Variants in CYP2C19 observed in about 807,000 individuals in gnomAD.
CYP2C19 encodes cytochrome P450 2C19.
CYP2C19 carries 59 observed loss-of-function variants against 40.9 expected under a neutral mutation model. That is an observed-to-expected ratio of 1.44 (90% CI 1.17 to 1.79). The LOEUF is 1.79. CYP2C19 is among the 40% of genes most tolerant of loss of function. The pLI is 0.00. For missense variants in CYP2C19, 754 were observed against 596.9 expected, an observed-to-expected ratio of 1.26 and a Z score of -2.74; for synonymous variants, 253 against 208.7, an observed-to-expected ratio of 1.21 and a Z score of -1.83.
chr10:94,770,546 G>A (rs977107052), intron 1 of CYP2C19, among the ~76,000 whole-genome samples: 2 of 152,018 alleles, frequency 1.3e-5, no homozygotes, highest in African/African-American at 4.8e-5. Flanking sequence ...TTTTAATAAT[G>A]CCTCCAGATT....
intron 6 of CYP2C19, among the ~76,000 whole-genome samples, chr10:94,829,975 G>A (rs1179211102): frequency 6.6e-6 from 1 of 152,240 alleles, no homozygotes; most frequent in East Asian, 1.9e-4. Context: ...TCAGGGGTCA[G>A]GGGTCAGGGA....
rs1435653264 is a variant in CYP2C19, at chr10:94,849,919, C to T, written c.1152C>T (p.Gly384=). The T allele has an allele frequency of 1.9e-6, 3 of 1,613,486 alleles. No individual in the cohort carries two copies. Among genetic ancestry groups the T allele is most frequent in the Non-Finnish European group, 2.5e-6 (3 of 1,179,684 alleles). ...VKFRNYLIPK[G]TTILTSLTSV... is the part of the protein sequence containing the mutation. ...TCACCTATGTCTCTTGTTTCTAGGG[C>T]ACAACCATATTAACTTCCCTCACTT... Residue 384 remains glycine (G), a splice_region_variant and synonymous_variant, in exon 8 of 9, where the codon GGC becomes GGT. Coordinates refer to ENST00000371321, the MANE Select transcript of CYP2C19 (RefSeq NM_000769.4).
At chr10:94,822,706 T>A (rs1221464139) in intron 6 of CYP2C19, among the ~76,000 whole-genome samples, 1 of 152,160 alleles carries the variant, frequency 6.6e-6, no homozygotes, top group Non-Finnish European at 1.5e-5. Context: ...AAAAGCATTT[T>A]CTTTTGTCTG....
intron 6 of CYP2C19, among the ~76,000 whole-genome samples, chr10:94,833,709 AG>A (rs1849362816): frequency 6.6e-6 from 1 of 152,228 alleles, no homozygotes; most frequent in Non-Finnish European, 1.5e-5. Flanking sequence ...TTTATCATGA[AG>A]GGATGTTGAA....
At chr10:94,796,765 T>G (rs984856714) in intron 5 of CYP2C19, among the ~76,000 whole-genome samples, 53 of 152,288 alleles carry the variant, frequency 3.5e-4, no homozygotes, top group African/African-American at 1.3e-3. Context: ...CAGTTGTGAA[T>G]GGGAGTTCAC....
At chr10:94,808,477 CTAAT>C (rs1848867076) in intron 5 of CYP2C19, among the ~76,000 whole-genome samples, 1 of 152,104 alleles carries the variant, frequency 6.6e-6, no homozygotes, top group South Asian at 2.1e-4. Flanking sequence ...GTATGATTGA[CTAAT>C]TATTGACTAT....
At chr10:94,765,729 G>T (rs1471371166) in intron 1 of CYP2C19, among the ~76,000 whole-genome samples, 5 of 152,124 alleles carry the variant, frequency 3.3e-5, no homozygotes, top group African/African-American at 1.2e-4. Context: ...TTGTTAAGCA[G>T]GGAGGAGGTG....
intron 5 of CYP2C19, among the ~76,000 whole-genome samples, chr10:94,817,658 C>T (rs77356528): frequency 6.3e-4 from 93 of 147,932 alleles, no homozygotes; most frequent in Admixed American, 8.8e-4. Flanking sequence ...CTTGCCCATG[C>T]CTATGTCCTG....
At chr10:94,847,446 A>T (rs1397237615) in intron 7 of CYP2C19, among the ~76,000 whole-genome samples, 2 of 152,086 alleles carry the variant, frequency 1.3e-5, no homozygotes, top group African/African-American at 4.8e-5. Context: ...CATGGTGTAT[A>T]TGTGCCATAT....
intron 3 of CYP2C19, among the ~76,000 whole-genome samples, chr10:94,777,893 C>A (rs1848429815): frequency 6.6e-6 from 1 of 152,010 alleles, no homozygotes; most frequent in African/African-American, 2.4e-5. Flanking sequence ...GCAATCTGTC[C>A]ATTTGACTAA....
intron 6 of CYP2C19, among the ~76,000 whole-genome samples, chr10:94,827,185 T>A (rs1589369917): frequency 6.6e-6 from 1 of 151,810 alleles, no homozygotes; most frequent in South Asian, 2.1e-4. Flanking sequence ...ATAAAATGAG[T>A]TAGGGAGGAT....
chr10:94,823,121 A>G (rs372908303), intron 6 of CYP2C19, among the ~76,000 whole-genome samples: 4 of 152,160 alleles, frequency 2.6e-5, no homozygotes, highest in Admixed American at 6.6e-5. Flanking sequence ...GAAGAGGAAA[A>G]TTTATCAAGG....
At chr10:94,821,412 C>T (rs1367194897) in intron 6 of CYP2C19, among the ~76,000 whole-genome samples, 8 of 151,936 alleles carry the variant, frequency 5.3e-5, no homozygotes, top group Non-Finnish European at 1.5e-5. Flanking sequence ...AATGGTAATC[C>T]TAGAAATGTA....
intron 6 of CYP2C19, among the ~76,000 whole-genome samples, chr10:94,837,195 A>G (rs1340064692): frequency 6.6e-6 from 1 of 152,080 alleles, no homozygotes; most frequent in Non-Finnish European, 1.5e-5. Context: ...TCCACTGTCC[A>G]TTGGGTTTCT....
At chr10:94,839,980 GC>G (rs1313508705) in intron 6 of CYP2C19, among the ~76,000 whole-genome samples, 1 of 151,496 alleles carries the variant, frequency 6.6e-6, no homozygotes, top group Non-Finnish European at 1.5e-5. Flanking sequence ...CTACCTTTTT[GC>G]TTTTTTTTAT....
intron 6 of CYP2C19, among the ~76,000 whole-genome samples, chr10:94,824,813 C>A (rs533849894): frequency 2.5e-5 from 3 of 119,998 alleles, no homozygotes; most frequent in African/African-American, 9.3e-5. Context: ...CCCCTCCCCC[C>A]ACCCCACATC....
intron 6 of CYP2C19, among the ~76,000 whole-genome samples, chr10:94,837,801 T>A (rs763265361): frequency 4.6e-5 from 7 of 152,146 alleles, no homozygotes; most frequent in Admixed American, 6.5e-5. Flanking sequence ...CCAGGCACCC[T>A]CAGTCCTGCT....
chr10:94,775,181 G>T lies in CYP2C19; in HGVS notation c.292G>T (p.Gly98Cys). The change falls in exon 2 of 9, where the codon GGC becomes TGC. Residue 98 changes from glycine (G) to cysteine (C), a missense_variant. By Grantham distance (159) the Gly-to-Cys change is radical. Coordinates refer to ENST00000371321, the MANE Select transcript of CYP2C19 (RefSeq NM_000769.4). The stretch of plus-strand genomic sequence containing the variant: ...TCTTGGAGAGGAGTTTTCTGGAAGA[G>T]GCCATTTCCCACTGGCTGAAAGAGC... The part of the protein sequence containing the change: ...IDLGEEFSGR[G>C]HFPLAERANR... The T allele has an allele frequency of 6.2e-7, 1 of 1,614,096 alleles. No individual in the cohort carries two copies. The highest frequency in any genetic ancestry group is 2.2e-5 in the East Asian group (1 of 44,874).
At chr10:94,821,911 A>G (rs1237387438) in intron 6 of CYP2C19, among the ~76,000 whole-genome samples, 1 of 152,028 alleles carries the variant, frequency 6.6e-6, no homozygotes, top group Non-Finnish European at 1.5e-5. Context: ...ATAGTACCCA[A>G]CAGATGGTTC....
Sources: gnomAD v4.1 joint callset for allele counts (sites outside exome capture counted in the v4.1 genomes callset) on GRCh38, gnomAD v4.1.1 for gene constraint, MANE v1.5 for transcripts, NCBI Gene and HGNC (gene_info 2026-07-23, HGNC 2026-07-21) for gene names.